The following MROH1 variants were observed in gnomAD, a reference collection of about 807,000 sequenced individuals.
The protein encoded by MROH1 is maestro heat like repeat family member 1, also known as maestro heat-like repeat-containing protein family member 1.
MROH1 carries 117 observed loss-of-function variants against 116.5 expected under a neutral mutation model. The observed-to-expected ratio is 1.00, with a 90% CI of 0.86 to 1.17. The LOEUF (loss-of-function observed/expected upper bound fraction) is 1.17. Among genes scored for constraint, MROH1 ranks in the 50% most tolerant of loss-of-function variants. MROH1 has a pLI of 0.00. For missense variants in MROH1, 1,873 were observed against 1,338.5 expected, an observed-to-expected ratio of 1.40 and a Z score of -6.23; for synonymous variants, 921 against 583.9, an observed-to-expected ratio of 1.58 and a Z score of -8.32.
chr8:144,185,418 T>G (rs988007840), intron 7 of MROH1, among the ~76,000 whole-genome samples: 4 of 151,432 alleles, frequency 2.6e-5, no homozygotes, highest in African/African-American at 9.7e-5. Context: ...ATAAGTGAAT[T>G]AAATACTTAA....
rs1842245945 is a variant in MROH1, at chr8:144,248,297, T to A, written c.3121-580T>A. Among the ~76,000 whole-genome samples the A allele has an allele frequency of 2.0e-5, 3 of 152,236 alleles. No individual in the cohort carries two copies. In the South Asian group the frequency reaches 6.2e-4, roughly 32 times the overall value. On this transcript the variant is annotated intron_variant, in intron 31 of 43. Coordinates refer to ENST00000326134, the MANE Select transcript of MROH1 (RefSeq NM_032450.3). The stretch of plus-strand genomic sequence containing the variant: ...GCTTGAGTATTATTAAAGTATTGCA[T>A]TACGGGGGGGAAAAAAAGAGTCCTT...
At chr8:144,189,643 C>T (rs566799290) in intron 7 of MROH1, among the ~76,000 whole-genome samples, 1 of 152,368 alleles carries the variant, frequency 6.6e-6, no homozygotes, top group African/African-American at 2.4e-5. Context: ...GTCACTGGCA[C>T]ACTGTCAGGA....
intron 29 of MROH1, among the ~76,000 whole-genome samples, chr8:144,246,684 A>G (rs2133063253): frequency 6.6e-6 from 1 of 152,282 alleles, no homozygotes; most frequent in East Asian, 1.9e-4. Context: ...ATCTGAGCCC[A>G]GGATCCTGTG....
chr8:144,150,220 T>G (rs976508389), intron 1 of MROH1, among the ~76,000 whole-genome samples: 3 of 152,188 alleles, frequency 2.0e-5, no homozygotes, highest in Non-Finnish European at 4.4e-5. Context: ...GGATGGTGAC[T>G]GGCGGGTGTT....
chr8:144,201,265 C>A (rs1012759561), intron 12 of MROH1: 1 of 152,056 alleles, frequency 6.6e-6, no homozygotes, highest in Non-Finnish European at 1.5e-5. Context: ...TTCACCATGT[C>A]GGCCAGGATG....
intron 12 of MROH1, among the ~76,000 whole-genome samples, chr8:144,218,566 A>C (rs1346509316): frequency 6.6e-5 from 10 of 151,170 alleles, no homozygotes. Flanking sequence ...TGTCCACCAC[A>C]GTGGCTGTCC....
chr8:144,169,458 A>ATT (rs5895786), intron 4 of MROH1, among the ~76,000 whole-genome samples: 7,462 of 144,630 alleles, frequency 0.052, 282 homozygotes, highest in African/African-American at 0.094. Flanking sequence ...CATTATTGTT[A>ATT]TTTTTTTTTT....
At chr8:144,158,082 C>T (rs2130745196) in intron 1 of MROH1, among the ~76,000 whole-genome samples, 1 of 147,942 alleles carries the variant, frequency 6.8e-6, no homozygotes, top group East Asian at 2.0e-4. Context: ...AAACTCCGCC[C>T]CCTGGGTTCA....
chr8:144,194,730 T>C (rs139904611), intron 10 of MROH1, among the ~76,000 whole-genome samples: 13 of 151,732 alleles, frequency 8.6e-5, no homozygotes, highest in Non-Finnish European at 1.6e-4. Flanking sequence ...CTGGGCAACA[T>C]AGGGAGACCC....
intron 35 of MROH1, among the ~76,000 whole-genome samples, chr8:144,256,009 G>A (rs1843691987): frequency 6.6e-6 from 1 of 152,240 alleles, no homozygotes; most frequent in Non-Finnish European, 1.5e-5. Context: ...GATCCGGGTG[G>A]TGCCTTCTCC....
rs1408192528 is a variant in MROH1 at position 144,158,990 on chromosome 8, C to T, written c.-176-1980C>T. ...CTGAGCTCAAGCATTCAAACTGCCT[C>T]GTAGCCTCCCAAAGTGCCAAGATTA... On this transcript the variant is annotated intron_variant, in intron 1 of 43. Coordinates refer to ENST00000326134, the MANE Select transcript of MROH1 (RefSeq NM_032450.3). Among the ~76,000 whole-genome samples the T allele has an allele frequency of 3.9e-5, 6 of 152,260 alleles. No individual in the cohort carries two copies. In the South Asian group the frequency reaches 6.2e-4, roughly 16 times the overall value.
chr8:144,207,221 C>G (rs778697352), intron 12 of MROH1, among the ~76,000 whole-genome samples: 3 of 151,468 alleles, frequency 2.0e-5, no homozygotes, highest in Admixed American at 6.6e-5. Flanking sequence ...TGGAGTCGTG[C>G]TCTGTCACCA....
At position 144,250,179 on chromosome 8, in the gene MROH1, G is replaced by A. The variant is rs963858497; in HGVS notation, c.3274-33G>A. On this transcript the variant is annotated intron_variant, in intron 32 of 43. Transcript: ENST00000326134. ...GTGTGCCCACAGCTGTCCCCCACGC[G>A]TGGCCTGACCACCGTGTCCCGCCCA... is the stretch of plus-strand genomic sequence containing the variant. 1.0e-4 allele frequency: 79 copies of A among 758,386 alleles called. 1 individual carries two copies. The East Asian group carries it at 1.4e-3, about 14-fold the overall frequency. 47.0% of individuals were successfully genotyped at this position (758,386 alleles called of 1,614,324 possible).
chr8:144,151,005 T>C (rs1816608676), intron 1 of MROH1, among the ~76,000 whole-genome samples: 1 of 152,078 alleles, frequency 6.6e-6, no homozygotes, highest in Non-Finnish European at 1.5e-5. Flanking sequence ...CCCAGCACTT[T>C]GGGAGGCCCA....
intron 10 of MROH1, 57 bp from the exon 11 acceptor site, chr8:144,199,065 G>A (rs904951101): frequency 5.9e-6 from 9 of 1,536,778 alleles, no homozygotes; most frequent in South Asian, 4.6e-5. Context: ...GTCAGAGGGC[G>A]GGAATCCTTC....
At chr8:144,206,708 G>A (rs989254978) in intron 12 of MROH1, among the ~76,000 whole-genome samples, 2 of 150,738 alleles carry the variant, frequency 1.3e-5, no homozygotes, top group Non-Finnish European at 3.0e-5. Flanking sequence ...ATAGGCATGA[G>A]CCACCGTGCC....
intron 12 of MROH1, chr8:144,214,163 C>G (rs1354505395): frequency 6.6e-6 from 1 of 152,240 alleles, no homozygotes; most frequent in Admixed American, 6.6e-5. Flanking sequence ...ATGTTGGAGG[C>G]TCTTCCAGCC....
rs1008885494 is a variant in MROH1, at chr8:144,250,293, G to A, written c.3355G>A (p.Val1119Met). 77 of 767,522 alleles carry A rather than the reference G, an allele frequency of 1.0e-4. 1 individual carries two copies. Among genetic ancestry groups the A allele is most frequent in the Middle Eastern group, 2.6e-4 (1 of 3,846 alleles). The allele number at this position is 767,522 out of a possible 1,614,324, so 47.5% of individuals were successfully genotyped here. A position where few individuals can be genotyped will look rare whatever the true frequency, so the allele number is the denominator to read the frequency against. ...CGTCCTGCCGGCCGCCCAGCACAGC[G>A]TGTACCTCCTGGCCACCCAGCACTG... Reference protein sequence around the residue: ...EHVLPAAQHSVYLLATQHCAA... With the variant: ...EHVLPAAQHSMYLLATQHCAA... The change falls in exon 33 of 44, where the codon GTG becomes ATG. Residue 1119 changes from valine to methionine, a missense_variant. Transcript: ENST00000326134.
intron 14 of MROH1, among the ~76,000 whole-genome samples, chr8:144,230,841 G>A (rs1554822608): frequency 7.9e-6 from 1 of 126,928 alleles, no homozygotes; most frequent in Non-Finnish European, 1.6e-5. Context: ...GATCATTCTT[G>A]GGTGTTTCTC....
Sources: gnomAD v4.1 joint callset for allele counts (sites outside exome capture counted in the v4.1 genomes callset) on GRCh38, gnomAD v4.1.1 for gene constraint, MANE v1.5 for transcripts, NCBI Gene and HGNC (gene_info 2026-07-23, HGNC 2026-07-21) for gene names.